RCAN2: variants seen among roughly 807,000 people sequenced by gnomAD.
RCAN2 encodes regulator of calcineurin 2, also known as calcipressin-2.
A neutral mutation model predicts 23.6 loss-of-function variants in RCAN2; 9 were observed. The ratio of observed to expected loss-of-function variants is 0.38; its 90% confidence interval spans 0.23 to 0.67. The LOEUF (loss-of-function observed/expected upper bound fraction) is 0.67, where lower values mean the gene tolerates loss of function less well. Ranked by LOEUF, RCAN2 falls within the 30% of genes least tolerant of loss-of-function variation. The pLI is 0.51. For synonymous variants in RCAN2, 109 were observed against 115.7 expected (o/e 0.94, Z 0.37); for missense variants, 273 against 302.3 (o/e 0.90, Z 0.72).
At chr6:46,276,895 G>A (rs1385948329) in intron 2 of RCAN2, among the ~76,000 whole-genome samples, 1 of 152,196 alleles carries the variant, frequency 6.6e-6, no homozygotes, top group African/African-American at 2.4e-5. Flanking sequence ...CAGGGCTAGA[G>A]GTGAGTGGCA....
At chr6:46,263,590 G>A (rs1314495529) in intron 2 of RCAN2, among the ~76,000 whole-genome samples, 1 of 146,662 alleles carries the variant, frequency 6.8e-6, no homozygotes, top group Non-Finnish European at 1.5e-5. Context: ...TAGGGGGGTG[G>A]TCAAGGAAGA....
At chr6:46,236,482 A>G (rs1436958499) in intron 4 of RCAN2, among the ~76,000 whole-genome samples, 4 of 151,536 alleles carry the variant, frequency 2.6e-5, no homozygotes, top group Non-Finnish European at 4.4e-5. Context: ...TATAATGCTT[A>G]ATTATATCAC....
intron 2 of RCAN2, among the ~76,000 whole-genome samples, chr6:46,303,015 T>C (rs1318038381): frequency 6.6e-6 from 1 of 151,952 alleles, no homozygotes; most frequent in African/African-American, 2.4e-5. Context: ...TTCTCTGACA[T>C]GGCAGGAAAT....
chr6:46,361,895 T>C (rs906576716), intron 2 of RCAN2, among the ~76,000 whole-genome samples: 7 of 152,228 alleles, frequency 4.6e-5, no homozygotes, highest in Non-Finnish European at 1.0e-4. Flanking sequence ...CCTGAGAATT[T>C]ATATATTTTT....
chr6:46,413,417 T>C (rs1766603965), intron 2 of RCAN2, among the ~76,000 whole-genome samples: 1 of 152,236 alleles, frequency 6.6e-6, no homozygotes, highest in South Asian at 2.1e-4. Flanking sequence ...AGATTTTTTT[T>C]ATGTGAAATT....
intron 2 of RCAN2, among the ~76,000 whole-genome samples, chr6:46,411,352 C>T (rs925454683): frequency 6.6e-6 from 1 of 152,086 alleles, no homozygotes; most frequent in African/African-American, 2.4e-5. Context: ...AGCTATTGTT[C>T]AATGGGTACA....
At chr6:46,465,153 A>T (rs1394629458) in intron 1 of RCAN2, among the ~76,000 whole-genome samples, 3 of 152,204 alleles carry the variant, frequency 2.0e-5, no homozygotes, top group African/African-American at 4.8e-5. Context: ...TGCATTTCAA[A>T]CAGGTTTGCT....
intron 2 of RCAN2, among the ~76,000 whole-genome samples, chr6:46,253,646 T>C (rs1240612837): frequency 1.3e-5 from 2 of 152,200 alleles, no homozygotes; most frequent in African/African-American, 4.8e-5. Context: ...AATTGGCATT[T>C]TCTTTTTCTG....
In RCAN2 at chr6:46,325,299, C is replaced by T. The variant is rs534154061; in HGVS notation, c.226-76403G>A. 6 of 1,407,016 alleles carry T rather than the reference C, an allele frequency of 4.3e-6. No homozygotes were observed. In the East Asian group the frequency reaches 1.4e-4, roughly 33 times the overall value. 87.2% of individuals were successfully genotyped at this position (1,407,016 alleles called of 1,614,324 possible). On this transcript the variant is annotated intron_variant, in intron 2 of 4. Transcript: ENST00000371374. ...TCTAGCGCAGACTATGAGCTGAAAA[C>T]TATTAACCAAAGTCTTATTTCTTCA... is the stretch of plus-strand genomic sequence containing the variant.
intron 2 of RCAN2, among the ~76,000 whole-genome samples, chr6:46,365,406 G>A (rs11964285): frequency 0.41 from 61,780 of 151,554 alleles, 15,516 homozygotes; most frequent in East Asian, 0.59. Flanking sequence ...AATCTGGGAG[G>A]TGGAGTTTGC....
intron 4 of RCAN2, among the ~76,000 whole-genome samples, chr6:46,235,992 G>A (rs1766081040): frequency 6.6e-6 from 1 of 152,134 alleles, no homozygotes; most frequent in African/African-American, 2.4e-5. Context: ...ATATCACTGG[G>A]ATACTAGGAA....
intron 2 of RCAN2, among the ~76,000 whole-genome samples, chr6:46,448,014 A>G (rs184631794): frequency 9.2e-5 from 14 of 151,922 alleles, no homozygotes; most frequent in Admixed American, 9.2e-4. Context: ...TAAATGAAAT[A>G]GAGACTAGAC....
At chr6:46,437,195 C>T (rs1042148822) in intron 2 of RCAN2, among the ~76,000 whole-genome samples, 1 of 152,216 alleles carries the variant, frequency 6.6e-6, no homozygotes, top group African/African-American at 2.4e-5. Context: ...CGAGCCTCCA[C>T]ATTGACCCAT....
upstream of RCAN2, chr6:46,491,463 G>C (rs1175495500): frequency 3.3e-5 from 5 of 152,250 alleles, no homozygotes; most frequent in African/African-American, 4.8e-5. Flanking sequence ...GAGGGGCTGA[G>C]CCGGCGGCTC....
chr6:46,340,142 A>G (rs1211390311), intron 2 of RCAN2, among the ~76,000 whole-genome samples: 1 of 152,186 alleles, frequency 6.6e-6, no homozygotes, highest in East Asian at 1.9e-4. Flanking sequence ...TGGACAGATT[A>G]TTTCTGAGAT....
At chr6:46,491,499 C>G (rs1440254147), upstream of RCAN2, 1 of 152,054 alleles carries the variant, frequency 6.6e-6, no homozygotes, top group Non-Finnish European at 1.5e-5. Context: ...GAGATGGGCG[C>G]GTCCCCAGCT....
chr6:46,368,350 T>A (rs912253425), intron 2 of RCAN2, among the ~76,000 whole-genome samples: 1 of 152,194 alleles, frequency 6.6e-6, no homozygotes, highest in Non-Finnish European at 1.5e-5. Flanking sequence ...AACTTGACTC[T>A]GGATGCTGAG....
rs1454007295 is a variant in RCAN2, at chr6:46,222,812, C to T, written c.*329G>A. Reference sequence around the variant, plus strand: ...CATCAGGACTGGGACTGAAACAGCTCACAAACAACACAGGTGCTATTTGTT... The same window carrying T: ...CATCAGGACTGGGACTGAAACAGCTTACAAACAACACAGGTGCTATTTGTT... On this transcript the variant is annotated 3_prime_UTR_variant, in exon 5 of 5. Transcript: ENST00000371374. The T allele has an allele frequency of 7.6e-6, 2 of 263,040 alleles. No individual in the cohort carries two copies. The highest frequency in any genetic ancestry group is 4.5e-5 in the African/African-American group (2 of 44,396). 16.3% of individuals were successfully genotyped at this position (263,040 alleles called of 1,614,324 possible).
intron 2 of RCAN2, among the ~76,000 whole-genome samples, chr6:46,323,611 G>T (rs779379784): frequency 2.8e-4 from 42 of 152,116 alleles, no homozygotes; most frequent in Non-Finnish European, 5.1e-4. Context: ...TCACTAGACT[G>T]CAAAATGCTG....
Sources: allele counts gnomAD v4.1 joint callset (sites outside exome capture counted in the v4.1 genomes callset), GRCh38; gene constraint gnomAD v4.1.1; transcripts MANE v1.5; gene names NCBI Gene and HGNC (gene_info 2026-07-23, HGNC 2026-07-21).